The following ATL3 variants were observed in gnomAD, a reference collection of about 807,000 sequenced individuals.
The protein encoded by ATL3 is atlastin-3.
ATL3 carries 49 observed loss-of-function variants against 69.5 expected under a neutral mutation model. The ratio of observed to expected loss-of-function variants is 0.71; its 90% CI spans 0.56 to 0.89. The LOEUF (loss-of-function observed/expected upper bound fraction) is 0.89. Among genes scored for constraint, ATL3 ranks in the 40% least tolerant of loss-of-function variants. The pLI, the probability that ATL3 is intolerant of heterozygous loss-of-function variation, is 0.00. For synonymous variants in ATL3, 214 were observed against 224.1 expected (o/e 0.95, Z 0.40); for missense variants, 606 against 645.7 (o/e 0.94, Z 0.67).
Position 63,645,545 on chromosome 11 carries a change from A to C in ATL3, c.618+962T>G, listed in dbSNP as rs530308493. Among the ~76,000 whole-genome samples, 20 of 151,612 alleles carry C rather than the reference A, an allele frequency of 1.3e-4. 1 individual carries two copies. The East Asian group carries it at 1.9e-3, about 15-fold the overall frequency. Reference sequence around the variant, plus strand: ...AGGTCAGCAAAGACTTTTTGCAGAGAGAGAGAGAGAGAGAGAGACAGAGAG... The same window carrying C: ...AGGTCAGCAAAGACTTTTTGCAGAGCGAGAGAGAGAGAGAGAGACAGAGAG... On this transcript the variant is annotated intron_variant, in intron 6 of 12. Coordinates refer to ENST00000398868, the MANE Select transcript of ATL3 (RefSeq NM_015459.5).
In ATL3 at chr11:63,628,203, T is replaced by C. The variant is rs1488813426; in HGVS notation, c.*1116A>G. The C allele has an allele frequency of 1.3e-5, 2 of 152,190 alleles. No individual in the cohort carries two copies. Among genetic ancestry groups the C allele is most frequent in the African/African-American group, 2.4e-5 (1 of 41,450 alleles). The allele number at this position is 152,190 out of a possible 1,614,324, so 9.4% of individuals were successfully genotyped here. On this transcript the variant is annotated 3_prime_UTR_variant, in exon 13 of 13. Transcript: ENST00000398868. ...TTCAAGTGACTTATCAGAGGTCACA[T>C]GGTTCATTTAAACTTAGCTTTTTTC... is the stretch of plus-strand genomic sequence containing the variant.
At chr11:63,641,953 A>G (rs183885775) in intron 8 of ATL3, among the ~76,000 whole-genome samples, 17 of 152,336 alleles carry the variant, frequency 1.1e-4, no homozygotes, top group Admixed American at 1.0e-3. Context: ...ACCCTCTCCT[A>G]ACACCTCCAT....
upstream of ATL3, chr11:63,671,834 C>A (rs989092813): frequency 3.4e-6 from 3 of 895,474 alleles, no homozygotes; most frequent in Non-Finnish European, 2.9e-6. Context: ...CTGCGGCCGG[C>A]GCCTAACGTG....
intron 3 of ATL3, among the ~76,000 whole-genome samples, chr11:63,656,909 G>A (rs1940269033): frequency 6.6e-6 from 1 of 151,890 alleles, no homozygotes; most frequent in South Asian, 2.1e-4. Context: ...CAACACTCCA[G>A]CACTTCAAAA....
intron 3 of ATL3, among the ~76,000 whole-genome samples, chr11:63,654,558 C>T (rs776597891): frequency 7.3e-5 from 11 of 151,016 alleles, no homozygotes; most frequent in Non-Finnish European, 4.4e-5. Flanking sequence ...CCACCATGCC[C>T]GGCTAATTTT....
intron 1 of ATL3, among the ~76,000 whole-genome samples, chr11:63,664,382 T>C (rs1940512145): frequency 6.6e-6 from 1 of 151,544 alleles, no homozygotes; most frequent in Admixed American, 6.6e-5. Flanking sequence ...CTACCAAAAA[T>C]ATAAAAAATT....
intron 5 of ATL3, among the ~76,000 whole-genome samples, chr11:63,650,952 T>C (rs888448386): frequency 1.1e-4 from 16 of 152,182 alleles, no homozygotes; most frequent in Non-Finnish European, 2.2e-4. Context: ...AGGAGGAATT[T>C]TCCTTGTTTT....
At chr11:63,630,968 G>C (rs910325856) in intron 12 of ATL3, 72 bp downstream of exon 12, 9 of 1,455,944 alleles carry the variant, frequency 6.2e-6, no homozygotes, top group Non-Finnish European at 2.8e-6. Context: ...CTTCCAAACT[G>C]AGATATTTTA....
rs1939041544 is a variant in ATL3, at chr11:63,624,552, T to C, written c.*4767A>G. The C allele has an allele frequency of 6.6e-6, 1 of 152,234 alleles. No homozygotes were observed. Among genetic ancestry groups the C allele is most frequent in the Admixed American group, 6.5e-5 (1 of 15,276 alleles). 9.4% of individuals were successfully genotyped at this position (152,234 alleles called of 1,614,324 possible). ...AGGATCTTGTCTTCTTTCTTGTTCATTATTTTTATTTGTGGCTTAATGTTT... is the reference window on the plus strand; with the variant it reads ...AGGATCTTGTCTTCTTTCTTGTTCACTATTTTTATTTGTGGCTTAATGTTT... On this transcript the variant is annotated 3_prime_UTR_variant, in exon 13 of 13. Coordinates refer to ENST00000398868, the MANE Select transcript of ATL3 (RefSeq NM_015459.5).
In ATL3 at chr11:63,633,038, G is replaced by A; in HGVS notation, c.1095C>T (p.Asn365=). Reference sequence around the variant, plus strand: ...ATGTCCCACGTACCTCTTCCATGTTGTTATAATAAATGTCCTTGGCAGAGG... The same window carrying A: ...ATGTCCCACGTACCTCTTCCATGTTATTATAATAAATGTCCTTGGCAGAGG... ...AAASAKDIYY[N]NMEEVCGGEK... is the part of the protein sequence containing the mutation. Residue 365 remains asparagine (N), a synonymous_variant, in exon 11 of 13, where the codon AAC becomes AAT. Coordinates refer to ENST00000398868, the MANE Select transcript of ATL3 (RefSeq NM_015459.5). 5 of 1,613,956 alleles carry A rather than the reference G, an allele frequency of 3.1e-6. No homozygotes were observed. Among genetic ancestry groups the A allele is most frequent in the South Asian group, 2.2e-5 (2 of 91,068 alleles).
chr11:63,668,065 G>C (rs540622307), intron 1 of ATL3, among the ~76,000 whole-genome samples: 2 of 152,302 alleles, frequency 1.3e-5, no homozygotes, highest in East Asian at 3.9e-4. Flanking sequence ...CATTCAAAGA[G>C]TTCTGAATAC....
chr11:63,646,743 A>G (rs544100442), intron 5 of ATL3, among the ~76,000 whole-genome samples, 180 bp from the exon 6 acceptor site: 34 of 152,104 alleles, frequency 2.2e-4, no homozygotes, highest in Non-Finnish European at 4.6e-4. Context: ...CCACATCCCA[A>G]TTCATCAACA....
At chr11:63,647,002 G>C (rs555068476) in intron 5 of ATL3, among the ~76,000 whole-genome samples, 1 of 152,088 alleles carries the variant, frequency 6.6e-6, no homozygotes, top group African/African-American at 2.4e-5. Context: ...CAAATACACG[G>C]GGCACACCGC....
chr11:63,650,397 G>T (rs560708609), intron 5 of ATL3, among the ~76,000 whole-genome samples: 44 of 152,128 alleles, frequency 2.9e-4, no homozygotes, highest in African/African-American at 9.2e-4. Flanking sequence ...TTTTTAAACT[G>T]GTTATTGTTA....
At chr11:63,655,006 GT>G (rs1267679304) in intron 3 of ATL3, among the ~76,000 whole-genome samples, 1 of 151,140 alleles carries the variant, frequency 6.6e-6, no homozygotes, top group African/African-American at 2.4e-5. Context: ...CTTCTTTTAT[GT>G]CTGCAAATTT....
At chr11:63,661,481 C>A (rs576860348) in intron 1 of ATL3, among the ~76,000 whole-genome samples, 2 of 152,132 alleles carry the variant, frequency 1.3e-5, no homozygotes, top group East Asian at 3.8e-4. Context: ...ACAGCATCCA[C>A]GCCTGTAATC....
intron 1 of ATL3, among the ~76,000 whole-genome samples, chr11:63,659,919 A>T (rs1228882969): frequency 6.6e-6 from 1 of 152,208 alleles, no homozygotes; most frequent in Non-Finnish European, 1.5e-5. Flanking sequence ...CCTGGGTGAC[A>T]GATAAGACCC....
intron 3 of ATL3, among the ~76,000 whole-genome samples, chr11:63,652,854 A>T (rs1940123363): frequency 6.6e-6 from 1 of 152,248 alleles, no homozygotes; most frequent in South Asian, 2.1e-4. Context: ...CTTATCACCC[A>T]GCCAGGCATT....
intron 8 of ATL3, among the ~76,000 whole-genome samples, chr11:63,641,947 TCTCCTAACAC>T (rs1939714392): frequency 6.6e-6 from 1 of 152,150 alleles, no homozygotes; most frequent in Non-Finnish European, 1.5e-5. Flanking sequence ...TAATTCACCC[TCTCCTAACAC>T]CTCCATTTAA....
Sources: allele counts gnomAD v4.1 joint callset (sites outside exome capture counted in the v4.1 genomes callset), GRCh38; gene constraint gnomAD v4.1.1; transcripts MANE v1.5; gene names NCBI Gene and HGNC (gene_info 2026-07-23, HGNC 2026-07-21).